TTC7A: variants seen among roughly 807,000 people sequenced by gnomAD.
TTC7A encodes tetratricopeptide repeat protein 7A.
In TTC7A, 110 loss-of-function variants were observed where a neutral mutation model predicts 103.7. The observed-to-expected ratio is 1.06, with a 90% CI of 0.91 to 1.24. TTC7A has a LOEUF of 1.24. TTC7A is among the 50% of genes most tolerant of loss of function. TTC7A has a pLI of 0.00. For synonymous variants in TTC7A, 521 were observed against 467.9 expected (o/e 1.11, Z -1.47); for missense variants, 1,340 against 1,116.3 (o/e 1.20, Z -2.86).
At chr2:46,925,087 C>T (rs1236484978) in intron 2 of TTC7A, among the ~76,000 whole-genome samples, 1 of 152,188 alleles carries the variant, frequency 6.6e-6, no homozygotes, top group African/African-American at 2.4e-5. Context: ...TAATACAGAT[C>T]TGTTTGTTGC....
intron 15 of TTC7A, chr2:47,035,252 C>A (rs886161075): frequency 1.3e-5 from 2 of 152,164 alleles, no homozygotes; most frequent in Middle Eastern, 3.2e-3. Context: ...ACCAACACTC[C>A]AGTGAGGGGG....
Position 46,995,182 on chromosome 2 carries a change from C to T in TTC7A, c.1048C>T (p.Leu350Phe). Residue 350 changes from leucine (L) to phenylalanine (F), a missense_variant, in exon 8 of 20, where the codon CTC becomes TTC. Transcript: ENST00000319190. ...CATCGAGGAAGCCCTCCTGCTCCTC[C>T]TCATCAGCGAATCCATGGTAAGCTC... is the stretch of plus-strand genomic sequence containing the variant. ...DNIEEALLLLLISESMATRDV... is the reference protein window; with the variant it reads ...DNIEEALLLLFISESMATRDV... 1 of 1,614,160 alleles carries T rather than the reference C, an allele frequency of 6.2e-7. No homozygotes were observed. Among genetic ancestry groups the T allele is most frequent in the Non-Finnish European group, 8.5e-7 (1 of 1,180,030 alleles).
chr2:47,060,687 G>A, intron 18 of TTC7A, 82 bp from the exon 19 acceptor site: 1 of 1,350,850 alleles, frequency 7.4e-7, no homozygotes, highest in Admixed American at 2.0e-5. Flanking sequence ...CTAGTTCCCT[G>A]GCTCTGAGGA....
intron 5 of TTC7A, among the ~76,000 whole-genome samples, chr2:46,987,641 C>T (rs1186748890): frequency 6.6e-6 from 1 of 152,202 alleles, no homozygotes; most frequent in East Asian, 1.9e-4. Flanking sequence ...ACCAGGTGGG[C>T]AGCAGGTTTT....
At chr2:46,954,723 C>T (rs1033486762) in intron 2 of TTC7A, among the ~76,000 whole-genome samples, 1 of 152,004 alleles carries the variant, frequency 6.6e-6, no homozygotes. Flanking sequence ...AGGCGCCCAC[C>T]ACCACGCCCG....
intron 10 of TTC7A, among the ~76,000 whole-genome samples, chr2:47,008,944 G>T (rs1677725391): frequency 6.6e-6 from 1 of 151,978 alleles, no homozygotes; most frequent in Non-Finnish European, 1.5e-5. Context: ...TGAGTCCTCA[G>T]ATGGCTCCTT....
intron 18 of TTC7A, among the ~76,000 whole-genome samples, chr2:47,059,148 G>A (rs1483678358): frequency 6.8e-6 from 1 of 146,812 alleles, no homozygotes; most frequent in African/African-American, 2.5e-5. Context: ...AGCCTCCCAA[G>A]TACCTGGGAC....
intron 1 of TTC7A, among the ~76,000 whole-genome samples, chr2:46,946,401 C>G (rs916669856): frequency 6.6e-6 from 1 of 152,106 alleles, no homozygotes; most frequent in Non-Finnish European, 1.5e-5. Flanking sequence ...CTTTATCCAC[C>G]TGAATTCTTT....
intron 8 of TTC7A, 129 bp from the exon 9 acceptor site, chr2:47,005,793 C>A: frequency 1.0e-6 from 1 of 976,248 alleles, no homozygotes; most frequent in Non-Finnish European, 1.6e-6. Flanking sequence ...GGGAGTGTGG[C>A]CATCTTTCTG....
At chr2:46,965,136 C>G (rs1422084080) in intron 3 of TTC7A, among the ~76,000 whole-genome samples, 1 of 152,252 alleles carries the variant, frequency 6.6e-6, no homozygotes, top group Non-Finnish European at 1.5e-5. Context: ...TCTCCTCTCC[C>G]CGCCCGTTGA....
intron 11 of TTC7A, among the ~76,000 whole-genome samples, chr2:47,019,561 C>G (rs1301224053): frequency 6.6e-6 from 1 of 152,042 alleles, no homozygotes; most frequent in African/African-American, 2.4e-5. Context: ...CAGAGTGGAT[C>G]ACAAGTTGGA....
intron 16 of TTC7A, chr2:47,047,449 G>A (rs1682441817): frequency 1.9e-5 from 13 of 673,602 alleles, no homozygotes; most frequent in Middle Eastern, 2.8e-4. Flanking sequence ...GAGGCTCTGG[G>A]GTTGAGGGAC....
intron 15 of TTC7A, among the ~76,000 whole-genome samples, chr2:47,042,100 A>G (rs1338257669): frequency 6.6e-6 from 1 of 152,128 alleles, no homozygotes; most frequent in Non-Finnish European, 1.5e-5. Flanking sequence ...GAGATGATGA[A>G]TAAAGGTCCT....
At chr2:47,051,976 GAC>G in intron 18 of TTC7A, 96 bp downstream of exon 18, 1 of 1,462,676 alleles carries the variant, frequency 6.8e-7, no homozygotes, top group Admixed American at 2.2e-5. Context: ...GGGAGGTGGG[GAC>G]ACCTTGCTAG....
At chr2:47,017,342 C>T (rs1240178864) in intron 11 of TTC7A, among the ~76,000 whole-genome samples, 2 of 151,316 alleles carry the variant, frequency 1.3e-5, no homozygotes, top group Non-Finnish European at 2.9e-5. Flanking sequence ...TAGTGAGACC[C>T]ACCCTGCCTC....
At chr2:47,004,286 T>A (rs1558564211) in intron 8 of TTC7A, among the ~76,000 whole-genome samples, 1 of 151,934 alleles carries the variant, frequency 6.6e-6, no homozygotes, top group Non-Finnish European at 1.5e-5. Flanking sequence ...CTTCCTTGGG[T>A]CTTGGAGGTG....
chr2:46,982,612 A>G (rs897322285), intron 5 of TTC7A, among the ~76,000 whole-genome samples: 2 of 152,264 alleles, frequency 1.3e-5, no homozygotes, highest in East Asian at 1.9e-4. Flanking sequence ...CTGCCTTCTC[A>G]TAGCATTGTT....
intron 4 of TTC7A, among the ~76,000 whole-genome samples, chr2:46,976,480 G>A (rs1048970078): frequency 2.6e-5 from 4 of 152,196 alleles, no homozygotes; most frequent in Admixed American, 6.5e-5. Context: ...GTCATGGGCC[G>A]AGAGACTAAG....
chr2:47,013,295 C>A (rs1009841616), intron 11 of TTC7A, among the ~76,000 whole-genome samples: 3 of 152,188 alleles, frequency 2.0e-5, no homozygotes, highest in Non-Finnish European at 4.4e-5. Context: ...TTGGGGAAGA[C>A]AGTTGGCACC....
Sources: allele counts gnomAD v4.1 joint callset (sites outside exome capture counted in the v4.1 genomes callset), GRCh38; gene constraint gnomAD v4.1.1; transcripts MANE v1.5; gene names NCBI Gene and HGNC (gene_info 2026-07-23, HGNC 2026-07-21).